CTNND2: variants seen among roughly 807,000 people sequenced by gnomAD.
The protein encoded by CTNND2 is catenin delta-2.
In CTNND2, 22 loss-of-function variants were observed where a neutral mutation model predicts 144.4. The observed-to-expected ratio is 0.15, with a 90% CI of 0.11 to 0.22. The LOEUF is 0.22. CTNND2 is among the 10% of genes least tolerant of loss of function. The pLI, the probability that CTNND2 is intolerant of heterozygous loss-of-function variation, is 1.00. For missense variants in CTNND2, 1,353 were observed against 1,618.8 expected, an observed-to-expected ratio of 0.84 and a Z score of 2.82; for synonymous variants, 751 against 695.6, an observed-to-expected ratio of 1.08 and a Z score of -1.25.
chr5:11,826,866 C>T (rs1793629538), intron 1 of CTNND2, among the ~76,000 whole-genome samples: 1 of 151,666 alleles, frequency 6.6e-6, no homozygotes, highest in African/African-American at 2.4e-5. Context: ...AGATAAAATC[C>T]ATAATTATTG....
At chr5:11,632,999 C>T (rs1473943698) in intron 2 of CTNND2, among the ~76,000 whole-genome samples, 1 of 152,058 alleles carries the variant, frequency 6.6e-6, no homozygotes, top group African/African-American at 2.4e-5. Flanking sequence ...CAGAGAAGTG[C>T]AGGACACTAT....
chr5:11,199,384 TC>T, intron 11 of CTNND2, 63 bp downstream of exon 11: 4 of 1,422,666 alleles, frequency 2.8e-6, no homozygotes, highest in Non-Finnish European at 3.9e-6. Flanking sequence ...TACATTTGCC[TC>T]TGTGTTGGAT....
At chr5:11,368,540 G>A (rs1455013526) in intron 7 of CTNND2, among the ~76,000 whole-genome samples, 1 of 152,156 alleles carries the variant, frequency 6.6e-6, no homozygotes, top group East Asian at 1.9e-4. Flanking sequence ...CTTCTATGTT[G>A]ACACGTTTAA....
chr5:11,226,722 T>C (rs1220096776), intron 10 of CTNND2, among the ~76,000 whole-genome samples: 1 of 152,190 alleles, frequency 6.6e-6, no homozygotes, highest in African/African-American at 2.4e-5. Flanking sequence ...TCCCATGACA[T>C]GTGGGAATTA....
intron 2 of CTNND2, among the ~76,000 whole-genome samples, chr5:11,720,417 C>T (rs1229665574): frequency 1.3e-5 from 2 of 152,042 alleles, no homozygotes; most frequent in Admixed American, 6.6e-5. Flanking sequence ...CAGAGACCTG[C>T]CTCTCCTAAA....
At chr5:11,095,602 A>G (rs990414885) in intron 15 of CTNND2, among the ~76,000 whole-genome samples, 1 of 152,220 alleles carries the variant, frequency 6.6e-6, no homozygotes, top group Non-Finnish European at 1.5e-5. Context: ...AGAAAGATAA[A>G]TGGGGCTTGG....
intron 9 of CTNND2, among the ~76,000 whole-genome samples, chr5:11,337,361 G>A (rs1251799956): frequency 6.6e-6 from 1 of 152,086 alleles, no homozygotes; most frequent in Admixed American, 6.5e-5. Context: ...CTCCTTTTGT[G>A]CTCTTAAACA....
At chr5:11,459,098 A>C (rs957680006) in intron 3 of CTNND2, among the ~76,000 whole-genome samples, 2 of 152,146 alleles carry the variant, frequency 1.3e-5, no homozygotes, top group African/African-American at 4.8e-5. Flanking sequence ...GGAATCAATA[A>C]ATAAGGTGAA....
chr5:11,483,454 C>T (rs1049079308), intron 3 of CTNND2, among the ~76,000 whole-genome samples: 5 of 152,144 alleles, frequency 3.3e-5, no homozygotes, highest in Non-Finnish European at 4.4e-5. Flanking sequence ...CACATCTGGC[C>T]GTTGGCAAAG....
rs138679287 is a variant in CTNND2, at chr5:11,139,550, A to G, written c.2159+20026T>C. Among the ~76,000 whole-genome samples, 6 of 152,254 alleles carry G rather than the reference A, an allele frequency of 3.9e-5. No homozygotes were observed. In the East Asian group the frequency reaches 1.2e-3, roughly 29 times the overall value. On this transcript the variant is annotated intron_variant, in intron 12 of 21. Transcript: ENST00000304623. ...TAGAAGAGCCTGGGTTGAAAGGGAGAAAGAAAAACAAATCCCATTTTCTCT... is the reference window on the plus strand; with the variant it reads ...TAGAAGAGCCTGGGTTGAAAGGGAGGAAGAAAAACAAATCCCATTTTCTCT...
At chr5:11,584,586 GA>G (rs532809611) in intron 2 of CTNND2, among the ~76,000 whole-genome samples, 37 of 152,112 alleles carry the variant, frequency 2.4e-4, no homozygotes, top group African/African-American at 8.7e-4. Flanking sequence ...AATTCCTAGA[GA>G]TTACAGAGTT....
chr5:11,646,153 T>C (rs1782335598), intron 2 of CTNND2, among the ~76,000 whole-genome samples: 1 of 152,150 alleles, frequency 6.6e-6, no homozygotes, highest in Non-Finnish European at 1.5e-5. Context: ...CCATGGGCCC[T>C]CCCTCTAGCC....
At chr5:11,359,886 G>A (rs1359841350) in intron 8 of CTNND2, among the ~76,000 whole-genome samples, 1 of 152,148 alleles carries the variant, frequency 6.6e-6, no homozygotes, top group Non-Finnish European at 1.5e-5. Flanking sequence ...AAATCCTATT[G>A]TCAATAGTGA....
intron 9 of CTNND2, among the ~76,000 whole-genome samples, chr5:11,261,649 T>A (rs1352375622): frequency 6.6e-6 from 1 of 152,252 alleles, no homozygotes; most frequent in Non-Finnish European, 1.5e-5. Flanking sequence ...CATCCTCGTG[T>A]CTCACCCACC....
At chr5:11,326,132 T>C (rs1481441698) in intron 9 of CTNND2, among the ~76,000 whole-genome samples, 2 of 152,188 alleles carry the variant, frequency 1.3e-5, no homozygotes, top group Non-Finnish European at 2.9e-5. Context: ...CCTGTTCCTT[T>C]TACCCCTCCC....
At chr5:11,168,286 T>A (rs1047892319) in intron 11 of CTNND2, among the ~76,000 whole-genome samples, 1 of 152,178 alleles carries the variant, frequency 6.6e-6, no homozygotes. Context: ...TGTCCCAAAC[T>A]GGATGCCTAT....
chr5:11,354,796 A>G (rs2149754446), intron 8 of CTNND2, among the ~76,000 whole-genome samples: 1 of 152,332 alleles, frequency 6.6e-6, no homozygotes, highest in East Asian at 1.9e-4. Context: ...GCTTCAGAAT[A>G]CACATTCTTC....
At chr5:11,643,942 T>C (rs1029541909) in intron 2 of CTNND2, among the ~76,000 whole-genome samples, 1 of 152,136 alleles carries the variant, frequency 6.6e-6, no homozygotes, top group Admixed American at 6.6e-5. Flanking sequence ...TATTTATTAA[T>C]GAAAATAACT....
intron 2 of CTNND2, among the ~76,000 whole-genome samples, chr5:11,588,139 C>A (rs1003214788): frequency 6.6e-6 from 1 of 152,088 alleles, no homozygotes; most frequent in Non-Finnish European, 1.5e-5. Flanking sequence ...ATAAACTTAT[C>A]ACTGAGAACC....
Sources: allele counts gnomAD v4.1 joint callset (sites outside exome capture counted in the v4.1 genomes callset), GRCh38; gene constraint gnomAD v4.1.1; transcripts MANE v1.5; gene names NCBI Gene and HGNC (gene_info 2026-07-23, HGNC 2026-07-21).